PRMT1: variants seen among roughly 807,000 people sequenced by gnomAD.
PRMT1 encodes protein arginine N-methyltransferase 1.
PRMT1 carries 5 observed loss-of-function variants against 47.4 expected under a neutral mutation model. The observed-to-expected ratio is 0.11, with a 90% CI of 0.06 to 0.22. The LOEUF is 0.22. Ranked by LOEUF, PRMT1 falls within the 10% of genes least tolerant of loss-of-function variation. The probability of loss-of-function intolerance (pLI) is 1.00; values close to 1 mark genes in which losing one functional copy is unlikely to be tolerated. For missense variants in PRMT1, 249 were observed against 518.4 expected, an observed-to-expected ratio of 0.48 and a Z score of 5.05; for synonymous variants, 227 against 204.6, an observed-to-expected ratio of 1.11 and a Z score of -0.94.
At chr19:49,678,806 G>T (rs944945438) in intron 1 of PRMT1, among the ~76,000 whole-genome samples, 20 of 152,070 alleles carry the variant, frequency 1.3e-4, no homozygotes, top group Non-Finnish European at 2.8e-4. Context: ...GTGGCCTCAG[G>T]CTTGGCCGCA....
upstream of PRMT1, among the ~76,000 whole-genome samples, chr19:49,676,713 A>C (rs1226855106): frequency 1.3e-5 from 2 of 151,714 alleles, no homozygotes; most frequent in African/African-American, 4.8e-5. Flanking sequence ...GTGGACGAGG[A>C]GTGATAATTC....
At chr19:49,686,529 T>C in intron 9 of PRMT1, 76 bp from the exon 10 acceptor site, 2 of 1,293,984 alleles carry the variant, frequency 1.5e-6, no homozygotes, top group Non-Finnish European at 2.1e-6. Context: ...GGGGTGGGCA[T>C]TCCGACAGAG....
Position 49,682,082 on chromosome 19 carries a change from G to A in PRMT1, c.348+17G>A, listed in dbSNP as rs2082126432. ...GTCATCGGGGTGAGTCTCCAGGGTG[G>A]CCAGGCGGGGCCGGGCCTGAGGGAT... On this transcript the variant is annotated intron_variant, in intron 4 of 10. Transcript: ENST00000454376. The A allele has an allele frequency of 1.9e-6, 3 of 1,613,700 alleles. No homozygotes were observed. Among genetic ancestry groups the A allele is most frequent in the Non-Finnish European group, 2.5e-6 (3 of 1,179,804 alleles).
Position 49,684,528 on chromosome 19 carries a change from T to C in PRMT1, c.556-226T>C, listed in dbSNP as rs546615036. ...CCCGTGCTTTTCCTCTCAGAGCAGC[T>C]AGGGAGGGTCTGAGGATCCCCAGAA... is the stretch of plus-strand genomic sequence containing the variant. On this transcript the variant is annotated intron_variant, in intron 6 of 10. Coordinates refer to ENST00000454376, the MANE Select transcript of PRMT1 (RefSeq NM_001536.6). The surrounding 1 kb of genome is among the most constrained non-coding windows in gnomAD (Gnocchi z 6.2). 3.3e-5 allele frequency among the ~76,000 whole-genome samples: 5 copies of C among 152,192 alleles called. No homozygotes were observed. In the South Asian group the frequency reaches 1.0e-3, roughly 32 times the overall value.
At chr19:49,677,413 G>C in intron 1 of PRMT1, 97 bp downstream of exon 1, 1 of 1,113,666 alleles carries the variant, frequency 9.0e-7, no homozygotes, top group South Asian at 2.6e-5. Context: ...GCGATATGGG[G>C]TTGGAGGTCC....
In PRMT1 at chr19:49,680,319, G is replaced by C; in HGVS notation, c.91-168G>C. ...TGGAAGTGGAAAATGGGGTTGTTAG[G>C]TTTTGGGGTTCCTGGGGGGGCAAGA... is the stretch of plus-strand genomic sequence containing the variant. On this transcript the variant is annotated intron_variant, in intron 2 of 10. Coordinates refer to ENST00000454376, the MANE Select transcript of PRMT1 (RefSeq NM_001536.6). This position sits in a 1 kb window ranked among gnomAD's most constrained non-coding sequence, Gnocchi z 4.2. The C allele has an allele frequency of 8.1e-7, 1 of 1,240,894 alleles. No homozygotes were observed. Among genetic ancestry groups the C allele is most frequent in the East Asian group, 2.4e-5 (1 of 41,800 alleles). 76.9% of individuals were successfully genotyped at this position (1,240,894 alleles called of 1,614,324 possible). A position where few individuals can be genotyped will look rare whatever the true frequency, so the allele number is the denominator to read the frequency against.
rs1000491710 is a variant in PRMT1 at position 49,683,722 on chromosome 19, A to G, written c.413-205A>G. ...AAAAAAAAAAAAGTAACATCACCTG[A>G]TACCCAGTCCACATAAAATTTCTGC... On this transcript the variant is annotated intron_variant, in intron 5 of 10. Transcript: ENST00000454376. The G allele has an allele frequency of 1.6e-5, 9 of 560,542 alleles. No homozygotes were observed. The African/African-American group carries it at 1.7e-4, about 11-fold the overall frequency. The allele number at this position is 560,542 out of a possible 1,614,324, so 34.7% of individuals were successfully genotyped here.
Position 49,685,554 on chromosome 19 carries a change from AAAAT to A in PRMT1, c.759+519_759+522del. The A allele has an allele frequency of 2.9e-6, 3 of 1,021,494 alleles. No homozygotes were observed. In the South Asian group the frequency reaches 1.1e-4, roughly 37 times the overall value. The allele number at this position is 1,021,494 out of a possible 1,614,324, so 63.3% of individuals were successfully genotyped here. A position where few individuals can be genotyped will look rare whatever the true frequency, so the allele number is the denominator to read the frequency against. On this transcript the variant is annotated intron_variant, in intron 8 of 10. Transcript: ENST00000454376. The surrounding 1 kb of genome is among the most constrained non-coding windows in gnomAD (Gnocchi z 4.7). ...CTTCTGAGACCCTGTTTAAAAAAAA[AAAAT>A]ACGGCGATGAGTATTTGTTGAGCTG...
Position 49,680,371 on chromosome 19 carries a change from A to G in PRMT1, c.91-116A>G, listed in dbSNP as rs559188307. ...GGCAGGCGGGGGCTGTAGGGTTGTC[A>G]TGGTATGATTTTGGGGGTTCTATAC... is the stretch of plus-strand genomic sequence containing the variant. On this transcript the variant is annotated intron_variant, in intron 2 of 10. Transcript: ENST00000454376. The surrounding 1 kb of genome is among the most constrained non-coding windows in gnomAD (Gnocchi z 4.2). 2.7e-6 allele frequency: 3 copies of G among 1,124,672 alleles called. No homozygotes were observed. In the East Asian group the frequency reaches 7.4e-5, roughly 28 times the overall value. 69.7% of individuals were successfully genotyped at this position (1,124,672 alleles called of 1,614,324 possible). A position where few individuals can be genotyped will look rare whatever the true frequency, so the allele number is the denominator to read the frequency against.
At position 49,684,634 on chromosome 19, in the gene PRMT1, G is replaced by T. The variant is rs2082177303; in HGVS notation, c.556-120G>T. ...TGGGAAATAGACCAGGGGGCGAGGG[G>T]TGAGTGCCGCTGCGACATGAGGGTG... On this transcript the variant is annotated intron_variant, in intron 6 of 10. Transcript: ENST00000454376. This position sits in a 1 kb window ranked among gnomAD's most constrained non-coding sequence, Gnocchi z 6.2. 4 of 1,166,426 alleles carry T rather than the reference G, an allele frequency of 3.4e-6. No individual in the cohort carries two copies. The highest frequency in any genetic ancestry group is 4.8e-5 in the Admixed American group (2 of 41,890). The allele number at this position is 1,166,426 out of a possible 1,614,324, so 72.3% of individuals were successfully genotyped here. A position where few individuals can be genotyped will look rare whatever the true frequency, so the allele number is the denominator to read the frequency against.
chr19:49,686,782 TGGG>T, intron 10 of PRMT1, 56 bp downstream of exon 10: 3 of 183,078 alleles, frequency 1.6e-5, no homozygotes, highest in Non-Finnish European at 2.2e-5. Context: ...GAGTGTAGAT[TGGG>T]GGGGGAGTGG....
upstream of PRMT1, among the ~76,000 whole-genome samples, chr19:49,676,711 G>A (rs975844597): frequency 6.6e-6 from 1 of 152,166 alleles, no homozygotes; most frequent in Non-Finnish European, 1.5e-5. Context: ...GAGTGGACGA[G>A]GAGTGATAAT....
Position 49,685,613 on chromosome 19 carries a change from CTGACCGGGGGA to C in PRMT1, c.760-478_760-468del. ...GTGTGAGCCGGGTGAAGCTGGGTGGCTGACCGGGGGATCCTGTCGGGGAGGAGTAAGTTGTT... is the reference window on the plus strand; with the variant it reads ...GTGTGAGCCGGGTGAAGCTGGGTGGCTCCTGTCGGGGAGGAGTAAGTTGTT... On this transcript the variant is annotated intron_variant, in intron 8 of 10. Transcript: ENST00000454376. The surrounding 1 kb of genome is among the most constrained non-coding windows in gnomAD (Gnocchi z 4.7). The C allele has an allele frequency of 4.0e-6, 4 of 1,012,004 alleles. No homozygotes were observed. The highest frequency in any genetic ancestry group is 4.7e-6 in the Non-Finnish European group (4 of 847,250). The allele number at this position is 1,012,004 out of a possible 1,614,324, so 62.7% of individuals were successfully genotyped here. A position where few individuals can be genotyped will look rare whatever the true frequency, so the allele number is the denominator to read the frequency against.
rs1402605517 is a variant in PRMT1, at chr19:49,684,743, C to T, written c.556-11C>T. ...GCCCCACCCTTCATGCCTCGCCCTG[C>T]CCCTCTGTAGGCGCCCGATGGCCTC... On this transcript the variant is annotated splice_polypyrimidine_tract_variant and intron_variant, in intron 6 of 10. Coordinates refer to ENST00000454376, the MANE Select transcript of PRMT1 (RefSeq NM_001536.6). The surrounding 1 kb of genome is among the most constrained non-coding windows in gnomAD (Gnocchi z 6.2). The T allele has an allele frequency of 6.4e-7, 1 of 1,551,540 alleles. No homozygotes were observed. The highest frequency in any genetic ancestry group is 2.0e-5 in the Admixed American group (1 of 51,056).
intron 1 of PRMT1, chr19:49,679,548 C>CA (rs1467650237): frequency 1.6e-6 from 1 of 633,578 alleles, no homozygotes; most frequent in Admixed American, 2.0e-5. Context: ...GAGGGAGCGA[C>CA]AGCTGGCGGT....
rs1341666701 is a variant in PRMT1 at position 49,679,909 on chromosome 19, A to G, written c.74A>G (p.Gln25Arg). The G allele has an allele frequency of 8.7e-6, 14 of 1,612,764 alleles. No individual in the cohort carries two copies. Among genetic ancestry groups the G allele is most frequent in the African/African-American group, 1.3e-5 (1 of 74,842 alleles). The change falls in exon 2 of 11, where the codon CAG becomes CGG. Residue 25 changes from glutamine (Q) to arginine (R), a missense_variant. Coordinates refer to ENST00000454376, the MANE Select transcript of PRMT1 (RefSeq NM_001536.6). ...ACCTTGGCTAATGGGATGAGCCTCC[A>G]GCCGCCTCTTGAAGAAGTAAATATC... Reference protein sequence around the residue: ...VATLANGMSLQPPLEEVSCGQ... With the variant: ...VATLANGMSLRPPLEEVSCGQ...
intron 5 of PRMT1, chr19:49,683,708 A>AG: frequency 2.1e-6 from 1 of 469,554 alleles, no homozygotes; most frequent in South Asian, 2.6e-5. Context: ...AAAAAAAAAA[A>AG]GTAACATCAC....
chr19:49,683,252 A>G (rs2082147391), intron 5 of PRMT1, among the ~76,000 whole-genome samples: 1 of 151,832 alleles, frequency 6.6e-6, no homozygotes, highest in African/African-American at 2.4e-5. Context: ...ATTATAATGA[A>G]CGCACGAGTC....
At chr19:49,679,671 A>C in intron 1 of PRMT1, 7 of 662,436 alleles carry the variant, frequency 1.1e-5, no homozygotes, top group East Asian at 2.8e-5. Context: ...CTGGGATAGG[A>C]GACCCCCCTT....
Sources: gnomAD v4.1 joint callset for allele counts (sites outside exome capture counted in the v4.1 genomes callset) on GRCh38, gnomAD v4.1.1 for gene constraint, Gnocchi (gnomAD v3.1) non-coding constraint, MANE v1.5 for transcripts, NCBI Gene and HGNC (gene_info 2026-07-23, HGNC 2026-07-21) for gene names.